The following DTNA variants were observed in gnomAD, a reference collection of about 807,000 sequenced individuals.
DTNA encodes dystrophin-related protein 3.
DTNA carries 43 observed loss-of-function variants against 100.7 expected under a neutral mutation model. That is an observed-to-expected ratio of 0.43 (90% confidence interval 0.33 to 0.55). DTNA has a LOEUF of 0.55. Among genes scored for constraint, DTNA ranks in the 20% least tolerant of loss-of-function variants. DTNA has a pLI of 0.04. For missense variants in DTNA, 798 were observed against 953.9 expected, an observed-to-expected ratio of 0.84 and a Z score of 2.15; for synonymous variants, 349 against 347.9, an observed-to-expected ratio of 1.00 and a Z score of -0.04.
At chr18:34,770,437 T>G (rs2093706910) in intron 3 of DTNA, among the ~76,000 whole-genome samples, 1 of 152,208 alleles carries the variant, frequency 6.6e-6, no homozygotes, top group South Asian at 2.1e-4. Context: ...TAAATCCAAA[T>G]TTCATAAATG....
intron 1 of DTNA, among the ~76,000 whole-genome samples, chr18:34,734,354 A>T (rs911846816): frequency 1.3e-5 from 2 of 152,148 alleles, no homozygotes; most frequent in African/African-American, 4.8e-5. Flanking sequence ...GGCAAAAAAA[A>T]GGTTCATCAG....
At chr18:34,796,587 G>C (rs566281846) in intron 4 of DTNA, among the ~76,000 whole-genome samples, 1 of 151,876 alleles carries the variant, frequency 6.6e-6, no homozygotes, top group East Asian at 1.9e-4. Context: ...CCCATTTGTC[G>C]TATTTTAAAT....
chr18:34,728,930 A>G (rs971613450), intron 1 of DTNA, among the ~76,000 whole-genome samples: 3 of 152,142 alleles, frequency 2.0e-5, no homozygotes, highest in Admixed American at 6.6e-5. Context: ...ACAGCCCTGA[A>G]TGGTCACCAT....
intron 15 of DTNA, among the ~76,000 whole-genome samples, chr18:34,853,210 A>G (rs2096505216): frequency 6.6e-6 from 1 of 152,336 alleles, no homozygotes; most frequent in East Asian, 1.9e-4. Flanking sequence ...TGGCAAAAAA[A>G]CGCAATTACG....
intron 1 of DTNA, among the ~76,000 whole-genome samples, chr18:34,673,243 G>A (rs998946879): frequency 5.3e-5 from 8 of 151,928 alleles, no homozygotes; most frequent in Middle Eastern, 3.4e-3. Context: ...ACACCACCAC[G>A]CCCAGCTATT....
intron 3 of DTNA, among the ~76,000 whole-genome samples, chr18:34,778,950 T>C (rs1048954884): frequency 1.3e-5 from 2 of 151,724 alleles, no homozygotes; most frequent in South Asian, 2.1e-4. Flanking sequence ...CCCAAGTAGC[T>C]GGGACTACAG....
chr18:34,559,834 G>A (rs2046473543), intron 1 of DTNA, among the ~76,000 whole-genome samples: 1 of 152,134 alleles, frequency 6.6e-6, no homozygotes, highest in Admixed American at 6.5e-5. Flanking sequence ...TGGAATTAAT[G>A]TTGCATCTCC....
intron 2 of DTNA, among the ~76,000 whole-genome samples, chr18:34,756,645 AGG>A (rs2092791718): frequency 1.3e-5 from 2 of 152,236 alleles, no homozygotes; most frequent in African/African-American, 4.8e-5. Flanking sequence ...CTGCTACACA[AGG>A]GAAACCAAAC....
chr18:34,731,485 CA>C (rs10712202), intron 1 of DTNA, among the ~76,000 whole-genome samples: 15,954 of 106,396 alleles, frequency 0.15, 1,061 homozygotes, highest in African/African-American at 0.27. Context: ...GACTCCGTCT[CA>C]AAAAAAAAAA....
chr18:34,605,139 GAAATT>G lies in DTNA; in HGVS notation c.-2+111632_-2+111636del, dbSNP rs372526514. On this transcript the variant is annotated intron_variant, in intron 1 of 19. Coordinates refer to the DTNA transcript ENST00000283365. ...AGCAAAAAAAAAAAAATCTGGGTAAGAAATTAAATTATAGGGCATACAATTTTTTC... is the reference window on the plus strand; with the variant it reads ...AGCAAAAAAAAAAAAATCTGGGTAAGAAATTATAGGGCATACAATTTTTTC... 7.3e-3 allele frequency among the ~76,000 whole-genome samples: 1,102 copies of G among 151,294 alleles called. 16 individuals carry two copies. Among genetic ancestry groups the G allele is most frequent in the African/African-American group, 0.026 (1,063 of 41,278 alleles).
At chr18:34,519,862 T>A (rs1395588808) in intron 1 of DTNA, among the ~76,000 whole-genome samples, 1 of 152,160 alleles carries the variant, frequency 6.6e-6, no homozygotes, top group Non-Finnish European at 1.5e-5. Flanking sequence ...AAAGAAAGTT[T>A]TCTCAAGTCA....
At chr18:34,844,498 C>G (rs1002844221) in intron 13 of DTNA, among the ~76,000 whole-genome samples, 2 of 151,992 alleles carry the variant, frequency 1.3e-5, no homozygotes, top group Non-Finnish European at 2.9e-5. Context: ...GCATTTTGCT[C>G]TAAACCAACT....
chr18:34,853,662 T>G (rs1054121210), intron 15 of DTNA, among the ~76,000 whole-genome samples: 1 of 151,834 alleles, frequency 6.6e-6, no homozygotes, highest in Non-Finnish European at 1.5e-5. Context: ...ATAAAAAAAT[T>G]TAAAAATAAA....
chr18:34,600,265 T>A (rs116668538), intron 1 of DTNA, among the ~76,000 whole-genome samples: 254 of 152,326 alleles, frequency 1.7e-3, no homozygotes, highest in African/African-American at 6.0e-3. Flanking sequence ...ACACATTTAT[T>A]TGCATAAATA....
chr18:34,860,223 T>A (rs1205773885), intron 16 of DTNA, among the ~76,000 whole-genome samples: 11,062 of 117,014 alleles, frequency 0.095, 881 homozygotes, highest in African/African-American at 0.17. Context: ...ATTTTTTGTT[T>A]TTTTTTTTTT....
intron 1 of DTNA, among the ~76,000 whole-genome samples, chr18:34,640,082 T>C (rs2059108386): frequency 6.6e-6 from 1 of 152,240 alleles, no homozygotes; most frequent in South Asian, 2.1e-4. Context: ...AAATTTCTCC[T>C]GATCTAAGTT....
intron 1 of DTNA, among the ~76,000 whole-genome samples, chr18:34,636,033 T>A (rs1428236209): frequency 6.6e-6 from 1 of 152,256 alleles, no homozygotes; most frequent in Non-Finnish European, 1.5e-5. Flanking sequence ...GTTGCACAGA[T>A]GTTTCACGTG....
intron 1 of DTNA, among the ~76,000 whole-genome samples, chr18:34,584,963 T>C (rs2048983485): frequency 6.6e-6 from 1 of 152,202 alleles, no homozygotes; most frequent in African/African-American, 2.4e-5. Flanking sequence ...TTGAAATTTC[T>C]GAGGAAAAGG....
chr18:34,621,430 G>C (rs1347118814), intron 1 of DTNA, among the ~76,000 whole-genome samples: 1 of 152,036 alleles, frequency 6.6e-6, no homozygotes, highest in East Asian at 1.9e-4. Flanking sequence ...ATCAACCTAA[G>C]TGTCTGTCAA....
Sources: allele counts gnomAD v4.1 joint callset (sites outside exome capture counted in the v4.1 genomes callset), GRCh38; gene constraint gnomAD v4.1.1; transcripts MANE v1.5; gene names NCBI Gene and HGNC (gene_info 2026-07-23, HGNC 2026-07-21).